The following ITGA11 variants were observed in gnomAD, a reference collection of about 807,000 sequenced individuals.
ITGA11 encodes integrin alpha-11.
ITGA11 carries 97 observed loss-of-function variants against 141.9 expected under a neutral mutation model. The ratio of observed to expected loss-of-function variants is 0.68; its 90% CI spans 0.58 to 0.81. ITGA11 has a LOEUF of 0.81. ITGA11 is among the 30% of genes least tolerant of loss of function. ITGA11 has a pLI of 0.00. For synonymous variants in ITGA11, 658 were observed against 624.6 expected, an observed-to-expected ratio of 1.05 and a Z score of -0.80; for missense variants, 1,387 against 1,559.2, an observed-to-expected ratio of 0.89 and a Z score of 1.86.
At chr15:68,386,131 G>C (rs1298990777) in intron 2 of ITGA11, among the ~76,000 whole-genome samples, 3 of 152,306 alleles carry the variant, frequency 2.0e-5, no homozygotes, top group Admixed American at 2.0e-4. Context: ...TCTATAGAGA[G>C]GTCCCCAAGG....
In ITGA11 at chr15:68,321,202, T is replaced by C. The variant is rs530369938; in HGVS notation, c.2408+216A>G. Among the ~76,000 whole-genome samples, 6 of 151,324 alleles carry C rather than the reference T, an allele frequency of 4.0e-5. No individual in the cohort carries two copies. The highest frequency in any genetic ancestry group is 1.5e-4 in the African/African-American group (6 of 41,158). ...TTTTTTAACAAAATTTGAAATTAGA[T>C]TAGACTAGTAGTTTCATATTACAGA... On this transcript the variant is annotated intron_variant, in intron 19 of 29. Transcript: ENST00000315757. This position sits in a 1 kb window ranked among gnomAD's most constrained non-coding sequence, Gnocchi z 4.9.
At position 68,321,557 on chromosome 15, in the gene ITGA11, G is replaced by T; in HGVS notation, c.2323-54C>A. ...GCTGGGTAGGGACCCGCAGCCCCTC[G>T]CCCTCAATGTACACCAGCTCTGTCT... On this transcript the variant is annotated intron_variant, in intron 18 of 29. Coordinates refer to ENST00000315757, the MANE Select transcript of ITGA11 (RefSeq NM_001004439.2). The surrounding 1 kb of genome is among the most constrained non-coding windows in gnomAD (Gnocchi z 4.9). 3 of 1,195,734 alleles carry T rather than the reference G, an allele frequency of 2.5e-6. No individual in the cohort carries two copies. Among genetic ancestry groups the T allele is most frequent in the African/African-American group, 1.6e-5 (1 of 63,758 alleles). The allele number at this position is 1,195,734 out of a possible 1,614,324, so 74.1% of individuals were successfully genotyped here.
intron 1 of ITGA11, among the ~76,000 whole-genome samples, chr15:68,407,965 C>T (rs911130862): frequency 2.6e-5 from 4 of 152,240 alleles, no homozygotes; most frequent in East Asian, 1.9e-4. Flanking sequence ...GGAGCGTCTG[C>T]TGTGCTGTTC....
chr15:68,319,704 C>T (rs921217745), intron 20 of ITGA11, among the ~76,000 whole-genome samples: 4 of 152,114 alleles, frequency 2.6e-5, no homozygotes, highest in South Asian at 2.1e-4. Context: ...GTGGCACATG[C>T]GTGGTGTGTG....
Position 68,296,860 on chromosome 15 carries a change from C to G in ITGA11, c.*6199G>C, listed in dbSNP as rs1173847042. ...TCCCCCATGATCTATTTGAAAAAGACACTTTTATGGCTTCCCTTCCCTTCT... is the reference window on the plus strand; with the variant it reads ...TCCCCCATGATCTATTTGAAAAAGAGACTTTTATGGCTTCCCTTCCCTTCT... On this transcript the variant is annotated 3_prime_UTR_variant, in exon 30 of 30. Coordinates refer to ENST00000315757, the MANE Select transcript of ITGA11 (RefSeq NM_001004439.2). The G allele has an allele frequency of 6.6e-6, 1 of 151,184 alleles. No homozygotes were observed. The highest frequency in any genetic ancestry group is 1.5e-5 in the Non-Finnish European group (1 of 67,878). The allele number at this position is 151,184 out of a possible 1,614,324, so 9.4% of individuals were successfully genotyped here.
intron 11 of ITGA11, among the ~76,000 whole-genome samples, chr15:68,336,486 C>A (rs1894363279): frequency 6.6e-6 from 1 of 152,134 alleles, no homozygotes; most frequent in South Asian, 2.1e-4. Flanking sequence ...AGAAAAGGAA[C>A]CCCAGGGGCT....
chr15:68,431,735 G>A (rs956644416), intron 1 of ITGA11, among the ~76,000 whole-genome samples: 4 of 152,240 alleles, frequency 2.6e-5, no homozygotes, highest in Non-Finnish European at 5.9e-5. Flanking sequence ...GCGCCCAGGA[G>A]GGCCACCAGA....
At position 68,308,913 on chromosome 15, in the gene ITGA11, A is replaced by C. The variant is rs140289385; in HGVS notation, c.3175-1217T>G. ...CAATTAACAGCAGAACCATTAGCCA[A>C]CACTATAGACAGCTCAGTTGGCTTA... On this transcript the variant is annotated intron_variant, in intron 26 of 29. Coordinates refer to ENST00000315757, the MANE Select transcript of ITGA11 (RefSeq NM_001004439.2). This position sits in a 1 kb window ranked among gnomAD's most constrained non-coding sequence, Gnocchi z 5.2. 3.5e-4 allele frequency among the ~76,000 whole-genome samples: 53 copies of C among 152,366 alleles called. No individual in the cohort carries two copies. Among genetic ancestry groups the C allele is most frequent in the African/African-American group, 1.2e-3 (48 of 41,588 alleles).
rs552215872 is a variant in ITGA11 at position 68,300,251 on chromosome 15, C to G, written c.*2808G>C. ...TGGGACCACTCTTTGAGAAGCGCAG[C>G]GCTGCAGAGATCATCTGCTTTATGA... On this transcript the variant is annotated 3_prime_UTR_variant, in exon 30 of 30. Transcript: ENST00000315757. The G allele has an allele frequency of 1.3e-5, 2 of 152,216 alleles. No individual in the cohort carries two copies. Among genetic ancestry groups the G allele is most frequent in the Non-Finnish European group, 1.5e-5 (1 of 68,048 alleles). 9.4% of individuals were successfully genotyped at this position (152,216 alleles called of 1,614,324 possible).
intron 26 of ITGA11, among the ~76,000 whole-genome samples, chr15:68,310,166 C>T (rs1893332996): frequency 6.6e-6 from 1 of 152,086 alleles, no homozygotes. Flanking sequence ...TACCATTGCC[C>T]TGGAGGTCTT....
Position 68,432,105 on chromosome 15 carries a change from G to A in ITGA11, c.-39C>T, listed in dbSNP as rs928396528. On this transcript the variant is annotated 5_prime_UTR_variant, in exon 1 of 30. Coordinates refer to ENST00000315757, the MANE Select transcript of ITGA11 (RefSeq NM_001004439.2). ...GCGGCTGGGTCCGGTGTGCAGCGGC[G>A]GCGGGGGGCGGCAAGCCAGAGCGGC... 6 of 1,346,238 alleles carry A rather than the reference G, an allele frequency of 4.5e-6. No homozygotes were observed. In the East Asian group the frequency reaches 1.9e-4, roughly 42 times the overall value. The allele number at this position is 1,346,238 out of a possible 1,614,324, so 83.4% of individuals were successfully genotyped here. A position where few individuals can be genotyped will look rare whatever the true frequency, so the allele number is the denominator to read the frequency against.
Position 68,364,790 on chromosome 15 carries a change from T to C in ITGA11, c.274A>G (p.Thr92Ala), listed in dbSNP as rs754653719. 6.2e-7 allele frequency: 1 copy of C among 1,613,610 alleles called. No homozygotes were observed. ...TTCCGCTCGGACACGTTGGACAGGG[T>C]GACCCTTCCTGGGGTTGGGGGAGAA... Reference protein sequence around the residue: ...NCTKLNLGRVTLSNVSERKDN... With the variant: ...NCTKLNLGRVALSNVSERKDN... Residue 92 changes from threonine to alanine, a missense_variant, in exon 4 of 30, where the codon ACC becomes GCC. By Grantham distance (58) the Thr-to-Ala change is moderately conservative (BLOSUM62 0). Transcript: ENST00000315757.
At chr15:68,351,179 A>G (rs1894899412) in intron 8 of ITGA11, 79 bp downstream of exon 8, 2 of 1,472,100 alleles carry the variant, frequency 1.4e-6, no homozygotes, top group Non-Finnish European at 9.3e-7. Flanking sequence ...GCCTGGAACT[A>G]GTCCCTTGGA....
intron 16 of ITGA11, among the ~76,000 whole-genome samples, chr15:68,327,434 C>T (rs1894015523): frequency 6.6e-6 from 1 of 152,264 alleles, no homozygotes; most frequent in South Asian, 2.1e-4. Context: ...AGGGGCACAG[C>T]CCCCAGGCCC....
chr15:68,301,307 G>C lies in ITGA11; in HGVS notation c.*1752C>G, dbSNP rs1000035229. On this transcript the variant is annotated 3_prime_UTR_variant, in exon 30 of 30. Coordinates refer to ENST00000315757, the MANE Select transcript of ITGA11 (RefSeq NM_001004439.2). The surrounding 1 kb of genome is among the most constrained non-coding windows in gnomAD (Gnocchi z 4.4). Reference sequence around the variant, plus strand: ...CTTACTGGGAATCCAAGACATGAATGGCACAAGAACAGAATGGAGACGCCT... The same window carrying C: ...CTTACTGGGAATCCAAGACATGAATCGCACAAGAACAGAATGGAGACGCCT... 6.6e-6 allele frequency: 1 copy of C among 152,270 alleles called. No homozygotes were observed. Among genetic ancestry groups the C allele is most frequent in the South Asian group, 2.1e-4 (1 of 4,832 alleles). The allele number at this position is 152,270 out of a possible 1,614,324, so 9.4% of individuals were successfully genotyped here. A position where few individuals can be genotyped will look rare whatever the true frequency, so the allele number is the denominator to read the frequency against.
intron 20 of ITGA11, 101 bp from the exon 21 acceptor site, chr15:68,317,464 C>T (rs1426489264): frequency 1.5e-5 from 12 of 816,832 alleles, no homozygotes; most frequent in East Asian, 2.5e-5. Context: ...CTGCAGGGGC[C>T]GCCTCAGCCC....
intron 1 of ITGA11, among the ~76,000 whole-genome samples, chr15:68,417,862 G>C (rs553592817): frequency 1.3e-5 from 2 of 152,320 alleles, no homozygotes; most frequent in African/African-American, 2.4e-5. Context: ...TTGCTATGGA[G>C]AATCTGTTCT....
At chr15:68,367,004 C>G (rs1450882372) in intron 3 of ITGA11, among the ~76,000 whole-genome samples, 3 of 152,194 alleles carry the variant, frequency 2.0e-5, no homozygotes, top group Admixed American at 6.5e-5. Flanking sequence ...GTTTCCCAGC[C>G]TTGCATTTTC....
intron 6 of ITGA11, 68 bp from the exon 7 acceptor site, chr15:68,357,367 A>G: frequency 6.5e-7 from 1 of 1,545,874 alleles, no homozygotes; most frequent in Middle Eastern, 1.7e-4. Context: ...AGAATTTGAG[A>G]GTGAGGATCC....
Sources: gnomAD v4.1 joint callset for allele counts (sites outside exome capture counted in the v4.1 genomes callset) on GRCh38, gnomAD v4.1.1 for gene constraint, Gnocchi (gnomAD v3.1) non-coding constraint, MANE v1.5 for transcripts, NCBI Gene and HGNC (gene_info 2026-07-23, HGNC 2026-07-21) for gene names.